JARID2: variants seen among roughly 807,000 people sequenced by gnomAD.
JARID2 encodes the protein protein Jumonji.
Under a neutral mutation model 125.6 loss-of-function variants are expected in JARID2, and 21 were observed. The ratio of observed to expected loss-of-function variants is 0.17; its 90% CI spans 0.12 to 0.24. The LOEUF is 0.24. Among genes scored for constraint, JARID2 ranks in the 10% least tolerant of loss-of-function variants. The probability of loss-of-function intolerance (pLI) is 1.00; values close to 1 mark genes in which losing one functional copy is unlikely to be tolerated. For missense variants in JARID2, 1,303 were observed against 1,639.6 expected (o/e 0.79, Z 3.55); for synonymous variants, 736 against 661.6 (o/e 1.11, Z -1.73).
intron 4 of JARID2, among the ~76,000 whole-genome samples, chr6:15,457,808 T>G (rs941015470): frequency 6.6e-6 from 1 of 152,120 alleles, no homozygotes; most frequent in South Asian, 2.1e-4. Context: ...ATACTGGGAT[T>G]AGTATAGATA....
chr6:15,286,762 T>C (rs189855969), intron 1 of JARID2, among the ~76,000 whole-genome samples: 1,513 of 150,242 alleles, frequency 0.01, 32 homozygotes, highest in African/African-American at 0.034. Context: ...CTTGGGAGGC[T>C]GAGGCAGGAG....
chr6:15,401,250 T>C (rs1331982700), intron 2 of JARID2, among the ~76,000 whole-genome samples: 1 of 152,144 alleles, frequency 6.6e-6, no homozygotes, highest in East Asian at 1.9e-4. Flanking sequence ...CTAGGGGCAA[T>C]GGTGGCTCCT....
chr6:15,520,004 C>T lies in JARID2; in HGVS notation c.3559-65C>T, dbSNP rs112772728. ...CTGCCCTAAACTTGCCCCTGCATGG[C>T]TCTCAGGGACAGAGCTCTTGTTAAT... is the stretch of plus-strand genomic sequence containing the variant. On this transcript the variant is annotated intron_variant, in intron 17 of 17. Transcript: ENST00000341776. The T allele has an allele frequency of 2.3e-5, 32 of 1,419,906 alleles. No homozygotes were observed. In the African/African-American group the frequency reaches 2.3e-4, roughly 10 times the overall value. The allele number at this position is 1,419,906 out of a possible 1,614,324, so 88.0% of individuals were successfully genotyped here.
chr6:15,362,495 G>A (rs972899020), intron 1 of JARID2, among the ~76,000 whole-genome samples: 1 of 152,214 alleles, frequency 6.6e-6, no homozygotes, highest in African/African-American at 2.4e-5. Flanking sequence ...ACTGGCATTT[G>A]TTTGGACACG....
At chr6:15,371,454 C>T (rs992376272) in intron 1 of JARID2, among the ~76,000 whole-genome samples, 3 of 152,130 alleles carry the variant, frequency 2.0e-5, no homozygotes, top group African/African-American at 7.2e-5. Flanking sequence ...TGTCTGACAG[C>T]CTTTATGAAT....
chr6:15,358,030 G>A (rs1239867424), intron 1 of JARID2, among the ~76,000 whole-genome samples: 1 of 152,020 alleles, frequency 6.6e-6, no homozygotes, highest in African/African-American at 2.4e-5. Context: ...TTCTATTTAC[G>A]GTAATTACTA....
chr6:15,339,189 C>T (rs890966543), intron 1 of JARID2, among the ~76,000 whole-genome samples: 3 of 152,072 alleles, frequency 2.0e-5, no homozygotes, highest in Non-Finnish European at 4.4e-5. Flanking sequence ...TAGGACCGGG[C>T]CTCTCAATTA....
chr6:15,500,786 C>A, intron 7 of JARID2, 121 bp from the exon 8 acceptor site: 1 of 850,932 alleles, frequency 1.2e-6, no homozygotes. Flanking sequence ...CCACTCTCAC[C>A]CCAGAGCCTG....
chr6:15,304,142 T>C (rs544886980), intron 1 of JARID2, among the ~76,000 whole-genome samples: 95 of 152,244 alleles, frequency 6.2e-4, no homozygotes, highest in Non-Finnish European at 1.2e-3. Context: ...TAGTGGCTAC[T>C]CCCGCTAATA....
At chr6:15,451,483 G>A (rs1219234011) in intron 3 of JARID2, among the ~76,000 whole-genome samples, 1 of 152,114 alleles carries the variant, frequency 6.6e-6, no homozygotes, top group Non-Finnish European at 1.5e-5. Context: ...AACTTTTCGT[G>A]GCCGAATTTA....
At chr6:15,467,109 A>G (rs932421362) in intron 4 of JARID2, among the ~76,000 whole-genome samples, 11 of 152,198 alleles carry the variant, frequency 7.2e-5, no homozygotes, top group African/African-American at 2.4e-4. Context: ...CCTGTAGGAA[A>G]AGGAAGGGGT....
intron 1 of JARID2, among the ~76,000 whole-genome samples, chr6:15,253,907 A>G (rs1021108999): frequency 2.6e-5 from 4 of 152,198 alleles, no homozygotes; most frequent in Admixed American, 6.5e-5. Flanking sequence ...AAAACCAGTC[A>G]GATGGTTAGT....
chr6:15,360,929 A>G (rs142514983), intron 1 of JARID2, among the ~76,000 whole-genome samples: 3 of 152,132 alleles, frequency 2.0e-5, no homozygotes, highest in Admixed American at 6.5e-5. Flanking sequence ...TCAATACATA[A>G]AGGCTTTTGT....
chr6:15,506,370 G>T (rs1014395947), intron 9 of JARID2, among the ~76,000 whole-genome samples: 7 of 152,216 alleles, frequency 4.6e-5, no homozygotes, highest in African/African-American at 1.7e-4. Flanking sequence ...GCTTGACTCC[G>T]CCAGGTCGGC....
rs1581681696 is a variant in JARID2, at chr6:15,520,939, GAA to G, written c.*691_*692del. On this transcript the variant is annotated 3_prime_UTR_variant, in exon 18 of 18. Transcript: ENST00000341776. ...AGAAGAAAAGCGAGCGAGGAAGACGGAAAAGACTGCCTGCCTTGGAGGGGTCA... is the reference window on the plus strand; with the variant it reads ...AGAAGAAAAGCGAGCGAGGAAGACGGAAGACTGCCTGCCTTGGAGGGGTCA... 2.4e-6 allele frequency: 1 copy of G among 421,514 alleles called. No individual in the cohort carries two copies. Among genetic ancestry groups the G allele is most frequent in the African/African-American group, 2.0e-5 (1 of 49,222 alleles). 26.1% of individuals were successfully genotyped at this position (421,514 alleles called of 1,614,324 possible).
chr6:15,490,260 A>ATT (rs35269654), intron 6 of JARID2, among the ~76,000 whole-genome samples: 19 of 151,636 alleles, frequency 1.3e-4, no homozygotes, highest in East Asian at 3.9e-4. Context: ...TGATATGTGG[A>ATT]TTTTTTTTTG....
At chr6:15,383,948 A>C (rs1395825310) in intron 2 of JARID2, among the ~76,000 whole-genome samples, 1 of 151,980 alleles carries the variant, frequency 6.6e-6, no homozygotes, top group East Asian at 1.9e-4. Context: ...GCATGCGCCA[A>C]GACGCCCGGC....
intron 4 of JARID2, among the ~76,000 whole-genome samples, chr6:15,460,670 G>C (rs925303849): frequency 1.4e-5 from 2 of 142,222 alleles, no homozygotes; most frequent in Non-Finnish European, 3.0e-5. Flanking sequence ...GTGGCTGTTA[G>C]AATGCTCATT....
At chr6:15,515,994 CAAA>C (rs568172506) in intron 16 of JARID2, among the ~76,000 whole-genome samples, 10 of 110,816 alleles carry the variant, frequency 9.0e-5, no homozygotes, top group South Asian at 3.1e-4. Flanking sequence ...GACTCCATCT[CAAA>C]AAAAAAAAAA....
Sources: gnomAD v4.1 joint callset for allele counts (sites outside exome capture counted in the v4.1 genomes callset) on GRCh38, gnomAD v4.1.1 for gene constraint, MANE v1.5 for transcripts, NCBI Gene and HGNC (gene_info 2026-07-23, HGNC 2026-07-21) for gene names.